The following SLC38A1 variants were observed in gnomAD, a reference collection of about 807,000 sequenced individuals.
SLC38A1 encodes the protein solute carrier family 38 member 1, also known as sodium-coupled neutral amino acid symporter 1.
A neutral mutation model predicts 60.3 loss-of-function variants in SLC38A1; 18 were observed. That is an observed-to-expected ratio of 0.30 (90% CI 0.21 to 0.44). The LOEUF (loss-of-function observed/expected upper bound fraction) is 0.44, where lower values mean the gene tolerates loss of function less well. Ranked by LOEUF, SLC38A1 falls within the 20% of genes least tolerant of loss-of-function variation. The probability of loss-of-function intolerance (pLI) is 1.00; values close to 1 mark genes in which losing one functional copy is unlikely to be tolerated. For missense variants in SLC38A1, 448 were observed against 587.2 expected, an observed-to-expected ratio of 0.76 and a Z score of 2.45; for synonymous variants, 196 against 212.1, an observed-to-expected ratio of 0.92 and a Z score of 0.66.
At chr12:46,197,040 T>C (rs1322169111) in intron 16 of SLC38A1, among the ~76,000 whole-genome samples, 1 of 152,214 alleles carries the variant, frequency 6.6e-6, no homozygotes, top group African/African-American at 2.4e-5. Context: ...CTAGAAATCA[T>C]ATGGAAACAG....
chr12:46,220,416 A>C (rs554843410), intron 5 of SLC38A1, among the ~76,000 whole-genome samples: 1 of 152,342 alleles, frequency 6.6e-6, no homozygotes, highest in South Asian at 2.1e-4. Context: ...AAAACAAGAA[A>C]CTGATTGGCA....
In SLC38A1 at chr12:46,183,458, G is replaced by A. The variant is rs1308035834; in HGVS notation, c.*5512C>T. ...GACTTTCAAAGCTTGATTAGATAAT[G>A]GTTCTTTGTTTTCTTTCCTTCAAAT... On this transcript the variant is annotated 3_prime_UTR_variant, in exon 17 of 17. Coordinates refer to ENST00000398637, the MANE Select transcript of SLC38A1 (RefSeq NM_030674.4). 6.6e-6 allele frequency: 1 copy of A among 152,068 alleles called. No homozygotes were observed. The highest frequency in any genetic ancestry group is 2.4e-5 in the African/African-American group (1 of 41,428). The allele number at this position is 152,068 out of a possible 1,614,324, so 9.4% of individuals were successfully genotyped here.
intron 1 of SLC38A1, among the ~76,000 whole-genome samples, chr12:46,260,133 T>C (rs892355043): frequency 2.0e-5 from 3 of 152,206 alleles, no homozygotes; most frequent in Non-Finnish European, 4.4e-5. Context: ...TGTAAATTAT[T>C]GTGACCATTG....
chr12:46,224,667 G>A (rs1458427407), intron 5 of SLC38A1, among the ~76,000 whole-genome samples: 1 of 152,174 alleles, frequency 6.6e-6, no homozygotes, highest in Admixed American at 6.5e-5. Context: ...TCTTGGCTTT[G>A]AGCAGTTGTA....
At chr12:46,227,516 T>C (rs1940912657) in intron 5 of SLC38A1, among the ~76,000 whole-genome samples, 1 of 152,152 alleles carries the variant, frequency 6.6e-6, no homozygotes. Flanking sequence ...ATAAAACACT[T>C]GGAATAATGC....
At chr12:46,213,721 C>T (rs1208431287) in intron 5 of SLC38A1, among the ~76,000 whole-genome samples, 1 of 152,226 alleles carries the variant, frequency 6.6e-6, no homozygotes, top group African/African-American at 2.4e-5. Context: ...TAACTGTGAT[C>T]ATCTTGTCTC....
chr12:46,267,883 A>G (rs1349208894), intron 1 of SLC38A1, among the ~76,000 whole-genome samples: 1 of 152,186 alleles, frequency 6.6e-6, no homozygotes, highest in Admixed American at 6.5e-5. Context: ...AATCCTCTTC[A>G]GGGCAGGAAA....
At position 46,187,482 on chromosome 12, in the gene SLC38A1, T is replaced by C. The variant is rs1279325860; in HGVS notation, c.*1488A>G. 6.6e-6 allele frequency: 1 copy of C among 152,266 alleles called. No individual in the cohort carries two copies. Among genetic ancestry groups the C allele is most frequent in the Non-Finnish European group, 1.5e-5 (1 of 68,070 alleles). 9.4% of individuals were successfully genotyped at this position (152,266 alleles called of 1,614,324 possible). A position where few individuals can be genotyped will look rare whatever the true frequency, so the allele number is the denominator to read the frequency against. ...TTCAATCACATGGGATGGCCCCACT[T>C]AGGGGAATGCAGTTCTGGGTTTCCT... On this transcript the variant is annotated 3_prime_UTR_variant, in exon 17 of 17. Transcript: ENST00000398637.
chr12:46,196,174 GT>G, intron 16 of SLC38A1: 1 of 1,536,072 alleles, frequency 6.5e-7, no homozygotes, highest in Non-Finnish European at 8.7e-7. Flanking sequence ...AAGATTATAA[GT>G]TCCTTGCGCT....
intron 1 of SLC38A1, among the ~76,000 whole-genome samples, chr12:46,258,516 A>T (rs1942102786): frequency 6.6e-6 from 1 of 152,234 alleles, no homozygotes; most frequent in South Asian, 2.1e-4. Context: ...AATTTTGTGC[A>T]TAAGACAAAG....
intron 3 of SLC38A1, among the ~76,000 whole-genome samples, chr12:46,231,175 T>C (rs1284547018): frequency 6.6e-6 from 1 of 152,110 alleles, no homozygotes; most frequent in Non-Finnish European, 1.5e-5. Flanking sequence ...TGAAGGTCTA[T>C]ATGAAATGAC....
At chr12:46,238,909 A>G (rs751581256) in intron 3 of SLC38A1, among the ~76,000 whole-genome samples, 1 of 152,194 alleles carries the variant, frequency 6.6e-6, no homozygotes, top group South Asian at 2.1e-4. Flanking sequence ...AACCATTATT[A>G]TTATTTAAAA....
chr12:46,245,665 C>A (rs1941591150), intron 1 of SLC38A1, among the ~76,000 whole-genome samples: 1 of 152,144 alleles, frequency 6.6e-6, no homozygotes, highest in African/African-American at 2.4e-5. Flanking sequence ...GACATGTGCG[C>A]TGAGCCTGGG....
chr12:46,249,587 T>C (rs975786451), intron 1 of SLC38A1, among the ~76,000 whole-genome samples: 7 of 152,044 alleles, frequency 4.6e-5, no homozygotes, highest in Non-Finnish European at 8.8e-5. Context: ...GATAGACCAC[T>C]AGCAAGACTA....
At chr12:46,191,567 G>T (rs578105788) in intron 16 of SLC38A1, among the ~76,000 whole-genome samples, 2 of 152,068 alleles carry the variant, frequency 1.3e-5, no homozygotes, top group African/African-American at 4.8e-5. Flanking sequence ...ATCCATGAGC[G>T]TGGAATGTTC....
rs1939440589 is a variant in SLC38A1, at chr12:46,197,590, C to A, written c.1362+130G>T. 3 of 680,712 alleles carry A rather than the reference C, an allele frequency of 4.4e-6. No individual in the cohort carries two copies. In the Admixed American group the frequency reaches 8.4e-5, roughly 19 times the overall value. 42.2% of individuals were successfully genotyped at this position (680,712 alleles called of 1,614,324 possible). On this transcript the variant is annotated intron_variant, in intron 16 of 16. Transcript: ENST00000398637. ...GATATTTTAAATATCTCCCAAGTAG[C>A]AAAGCTACAGGGCTTCTGCCTCCTT...
At chr12:46,250,031 CA>C (rs1170278964) in intron 1 of SLC38A1, among the ~76,000 whole-genome samples, 2 of 151,870 alleles carry the variant, frequency 1.3e-5, no homozygotes, top group African/African-American at 4.8e-5. Context: ...AGACACACAA[CA>C]AAAAAAGAGA....
At chr12:46,195,132 CT>C (rs1939309684) in intron 16 of SLC38A1, among the ~76,000 whole-genome samples, 1 of 152,078 alleles carries the variant, frequency 6.6e-6, no homozygotes, top group African/African-American at 2.4e-5. Flanking sequence ...TGTGGATGTC[CT>C]TTTTGTTGAT....
At chr12:46,195,055 C>T (rs1428057572) in intron 16 of SLC38A1, among the ~76,000 whole-genome samples, 1 of 152,196 alleles carries the variant, frequency 6.6e-6, no homozygotes, top group East Asian at 1.9e-4. Flanking sequence ...TCTGGTTTCT[C>T]TCCCCATCTT....
Sources: gnomAD v4.1 joint callset for allele counts (sites outside exome capture counted in the v4.1 genomes callset) on GRCh38, gnomAD v4.1.1 for gene constraint, MANE v1.5 for transcripts, NCBI Gene and HGNC (gene_info 2026-07-23, HGNC 2026-07-21) for gene names.